The following JAKMIP1 variants were observed in gnomAD, a reference collection of about 807,000 sequenced individuals.
JAKMIP1 encodes janus kinase and microtubule interacting protein 1, also known as janus kinase and microtubule-interacting protein 1.
A neutral mutation model predicts 113.0 loss-of-function variants in JAKMIP1; 33 were observed. The observed-to-expected ratio is 0.29, with a 90% confidence interval of 0.22 to 0.39. The LOEUF (loss-of-function observed/expected upper bound fraction) is 0.39. Among genes scored for constraint, JAKMIP1 ranks in the 10% least tolerant of loss-of-function variants. The probability of loss-of-function intolerance (pLI) is 1.00; values close to 1 mark genes in which losing one functional copy is unlikely to be tolerated. For missense variants in JAKMIP1, 813 were observed against 1,080.5 expected (o/e 0.75, Z 3.47); for synonymous variants, 480 against 459.9 (o/e 1.04, Z -0.56).
Position 6,091,607 on chromosome 4 carries a change from C to T in JAKMIP1, c.625-5978G>A, listed in dbSNP as rs151145252. ...ATGGGGAGCCCAGAATCACTCAGGGCAGCCTCTCTCCAAAGGCTTCTCTTC... is the reference window on the plus strand; with the variant it reads ...ATGGGGAGCCCAGAATCACTCAGGGTAGCCTCTCTCCAAAGGCTTCTCTTC... On this transcript the variant is annotated intron_variant, in intron 3 of 20. Transcript: ENST00000409021. Among the ~76,000 whole-genome samples, 1,014 of 152,312 alleles carry T rather than the reference C, an allele frequency of 6.7e-3. 12 individuals carry two copies. The highest frequency in any genetic ancestry group is 0.023 in the African/African-American group (975 of 41,568).
At chr4:6,034,753 A>G (rs1446652717) in intron 19 of JAKMIP1, among the ~76,000 whole-genome samples, 2 of 152,172 alleles carry the variant, frequency 1.3e-5, no homozygotes, top group African/African-American at 4.8e-5. Context: ...GGGAGCTGAG[A>G]TCGTCCCACT....
At position 6,153,521 on chromosome 4, in the gene JAKMIP1, G is replaced by C. The variant is rs1227412232; in HGVS notation, c.-147-40524C>G. Among the ~76,000 whole-genome samples the C allele has an allele frequency of 6.6e-6, 1 of 152,192 alleles. No individual in the cohort carries two copies. The highest frequency in any genetic ancestry group is 1.5e-5 in the Non-Finnish European group (1 of 68,042). On this transcript the variant is annotated intron_variant, in intron 1 of 20. Transcript: ENST00000409021. The surrounding 1 kb of genome is among the most constrained non-coding windows in gnomAD (Gnocchi z 4.9). ...CTGTGACTTCTGCATAAAATGCATG[G>C]TTCTTCTTTTCTTAAAATTAGCTTT...
intron 3 of JAKMIP1, among the ~76,000 whole-genome samples, chr4:6,095,259 GGAAAGGAA>G (rs1008603904): frequency 2.8e-4 from 38 of 135,560 alleles, no homozygotes; most frequent in African/African-American, 1.0e-3. Context: ...AAAAAGGGAA[GGAAAGGAA>G]GAAAGGAAGG....
chr4:6,132,039 T>C (rs1718577046), intron 1 of JAKMIP1, among the ~76,000 whole-genome samples: 1 of 152,212 alleles, frequency 6.6e-6, no homozygotes, highest in Non-Finnish European at 1.5e-5. Flanking sequence ...AGAAGGAATA[T>C]GTGAAGATAA....
At chr4:6,127,506 G>A (rs969570930) in intron 1 of JAKMIP1, among the ~76,000 whole-genome samples, 1 of 152,218 alleles carries the variant, frequency 6.6e-6, no homozygotes, top group Non-Finnish European at 1.5e-5. Flanking sequence ...TCAGCCTCAG[G>A]CTCCCTGGCA....
At chr4:6,171,257 C>T (rs1724663516) in intron 1 of JAKMIP1, among the ~76,000 whole-genome samples, 1 of 147,288 alleles carries the variant, frequency 6.8e-6, no homozygotes, top group Non-Finnish European at 1.5e-5. Flanking sequence ...ATCACCATCA[C>T]ACCTACCACT....
intron 8 of JAKMIP1, among the ~76,000 whole-genome samples, chr4:6,077,730 C>A (rs1330335074): frequency 6.6e-6 from 1 of 152,012 alleles, no homozygotes; most frequent in Non-Finnish European, 1.5e-5. Context: ...GCGATCCACC[C>A]ACCCTGGCCT....
intron 1 of JAKMIP1, among the ~76,000 whole-genome samples, chr4:6,118,526 A>G (rs1456643129): frequency 6.6e-6 from 1 of 152,140 alleles, no homozygotes; most frequent in African/African-American, 2.4e-5. Flanking sequence ...ATATTCGCCA[A>G]CCTTGACCTA....
rs933354973 is a variant in JAKMIP1 at position 6,156,098 on chromosome 4, T to C, written c.-147-43101A>G. Reference sequence around the variant, plus strand: ...CATCCATCAACAAACTATTCTGAAATAATCTGTTGGCATTTCTAAATACCT... The same window carrying C: ...CATCCATCAACAAACTATTCTGAAACAATCTGTTGGCATTTCTAAATACCT... On this transcript the variant is annotated intron_variant, in intron 1 of 20. Coordinates refer to ENST00000409021, the MANE Select transcript of JAKMIP1 (RefSeq NM_001099433.2). This position sits in a 1 kb window ranked among gnomAD's most constrained non-coding sequence, Gnocchi z 5.0. Among the ~76,000 whole-genome samples the C allele has an allele frequency of 2.0e-5, 3 of 152,224 alleles. No individual in the cohort carries two copies. The highest frequency in any genetic ancestry group is 7.2e-5 in the African/African-American group (3 of 41,456).
At position 6,080,098 on chromosome 4, in the gene JAKMIP1, C is replaced by T. The variant is rs1720282143; in HGVS notation, c.1242+74G>A. The T allele has an allele frequency of 3.3e-6, 5 of 1,493,132 alleles. No individual in the cohort carries two copies. The South Asian group carries it at 5.4e-5, about 16-fold the overall frequency. The allele number at this position is 1,493,132 out of a possible 1,614,324, so 92.5% of individuals were successfully genotyped here. ...TCAGCAGCATCACCCTGAGCCCCAA[C>T]ACCCGTTCCTGACACCCATGTCAGC... is the stretch of plus-strand genomic sequence containing the variant. On this transcript the variant is annotated intron_variant, in intron 7 of 20. Coordinates refer to ENST00000409021, the MANE Select transcript of JAKMIP1 (RefSeq NM_001099433.2). This position sits in a 1 kb window ranked among gnomAD's most constrained non-coding sequence, Gnocchi z 6.0.
At position 6,183,743 on chromosome 4, in the gene JAKMIP1, A is replaced by G. The variant is rs1030144493; in HGVS notation, c.-148+16510T>C. Reference sequence around the variant, plus strand: ...GCAAACCCAATATTAACCCTGGTAGACCCCACTGCAGGGACCTGGGCTGCC... The same window carrying G: ...GCAAACCCAATATTAACCCTGGTAGGCCCCACTGCAGGGACCTGGGCTGCC... On this transcript the variant is annotated intron_variant, in intron 1 of 20. Transcript: ENST00000409021. This position sits in a 1 kb window ranked among gnomAD's most constrained non-coding sequence, Gnocchi z 5.3. Among the ~76,000 whole-genome samples the G allele has an allele frequency of 1.2e-4, 19 of 152,088 alleles. No individual in the cohort carries two copies. Among genetic ancestry groups the G allele is most frequent in the African/African-American group, 4.3e-4 (18 of 41,404 alleles).
chr4:6,088,275 A>G lies in JAKMIP1; in HGVS notation c.625-2646T>C, dbSNP rs534953985. 2.6e-5 allele frequency among the ~76,000 whole-genome samples: 4 copies of G among 152,270 alleles called. No individual in the cohort carries two copies. In the South Asian group the frequency reaches 8.3e-4, roughly 32 times the overall value. The stretch of plus-strand genomic sequence containing the variant: ...AGAGTGATTTGTGCTATGAGGGGGA[A>G]AAAAAACAATAACAACATCAAAGCA... On this transcript the variant is annotated intron_variant, in intron 3 of 20. Transcript: ENST00000409021. The surrounding 1 kb of genome is among the most constrained non-coding windows in gnomAD (Gnocchi z 5.5).
At chr4:6,160,716 C>T (rs1387535761) in intron 1 of JAKMIP1, among the ~76,000 whole-genome samples, 1 of 152,176 alleles carries the variant, frequency 6.6e-6, no homozygotes, top group African/African-American at 2.4e-5. Flanking sequence ...CCCTGCCCCT[C>T]TACAGTCCTT....
intron 1 of JAKMIP1, among the ~76,000 whole-genome samples, chr4:6,151,160 C>G (rs762061907): frequency 3.9e-5 from 6 of 152,206 alleles, no homozygotes; most frequent in Non-Finnish European, 8.8e-5. Context: ...ACGGCCATAG[C>G]ACCCTACATG....
At chr4:6,113,524 G>A (rs183201617) in intron 1 of JAKMIP1, among the ~76,000 whole-genome samples, 11 of 152,298 alleles carry the variant, frequency 7.2e-5, no homozygotes, top group Admixed American at 5.9e-4. Flanking sequence ...AGAGGTTAGT[G>A]GTTTCCTTCC....
At chr4:6,172,125 C>A (rs888199537) in intron 1 of JAKMIP1, among the ~76,000 whole-genome samples, 4 of 152,182 alleles carry the variant, frequency 2.6e-5, no homozygotes, top group African/African-American at 9.7e-5. Context: ...AACACTGGTC[C>A]AATGCTTCTA....
intron 1 of JAKMIP1, among the ~76,000 whole-genome samples, chr4:6,118,448 G>A (rs1716172825): frequency 1.3e-5 from 2 of 152,160 alleles, no homozygotes; most frequent in Non-Finnish European, 2.9e-5. Context: ...GGCATGTGGT[G>A]TCAGAGATGG....
intron 19 of JAKMIP1, among the ~76,000 whole-genome samples, chr4:6,034,149 A>G (rs942438200): frequency 2.0e-5 from 3 of 152,074 alleles, no homozygotes; most frequent in Non-Finnish European, 2.9e-5. Flanking sequence ...AAAATCCTAT[A>G]TACAGGGTAC....
chr4:6,091,231 C>T (rs1376221761), intron 3 of JAKMIP1, among the ~76,000 whole-genome samples: 1 of 100,646 alleles, frequency 9.9e-6, no homozygotes, highest in East Asian at 3.1e-4. Context: ...ACCATCCACA[C>T]AATGAGATAC....
Sources: allele counts gnomAD v4.1 joint callset (sites outside exome capture counted in the v4.1 genomes callset), GRCh38; gene constraint gnomAD v4.1.1; non-coding constraint Gnocchi (gnomAD v3.1); transcripts MANE v1.5; gene names NCBI Gene and HGNC (gene_info 2026-07-23, HGNC 2026-07-21).